The following CRABP1 variants were observed in gnomAD, a reference collection of about 807,000 sequenced individuals.
CRABP1 encodes cellular retinoic acid binding protein 1, also known as cellular retinoic acid-binding protein 1.
In CRABP1, 9 loss-of-function variants were observed where a neutral mutation model predicts 16.4. The ratio of observed to expected loss-of-function variants is 0.55; its 90% CI spans 0.33 to 0.96. CRABP1 has a LOEUF of 0.96. Ranked by LOEUF, CRABP1 falls within the 40% of genes least tolerant of loss-of-function variation. The probability of loss-of-function intolerance (pLI) is 0.03; values close to 1 mark genes in which losing one functional copy is unlikely to be tolerated. For synonymous variants in CRABP1, 72 were observed against 70.4 expected, an observed-to-expected ratio of 1.02 and a Z score of -0.11; for missense variants, 157 against 186.0, an observed-to-expected ratio of 0.84 and a Z score of 0.91.
At chr15:78,343,436 T>C in intron 2 of CRABP1, 63 bp from the exon 3 acceptor site, 1 of 1,283,586 alleles carries the variant, frequency 7.8e-7, no homozygotes. Context: ...CAATGCTCAT[T>C]GTTGTCCCTG....
rs747906092 is a variant in CRABP1 at position 78,340,382 on chromosome 15, C to T, written c.-47C>T. The stretch of plus-strand genomic sequence containing the variant: ...TCCGCCTTGCGAGCTCAGAGTGTGC[C>T]CGCTGCGCCGCCGCTGTCCGTACCT... On this transcript the variant is annotated 5_prime_UTR_variant, in exon 1 of 4. Transcript: ENST00000299529. 1 of 1,555,564 alleles carries T rather than the reference C, an allele frequency of 6.4e-7. No homozygotes were observed. The highest frequency in any genetic ancestry group is 8.7e-7 in the Non-Finnish European group (1 of 1,150,028).
In CRABP1 at chr15:78,348,012, T is replaced by C; in HGVS notation, c.*35T>C. Reference sequence around the variant, plus strand: ...GCTTGCTCCTACTTTCAGGAAGGGATGCAGGCTCCCCTGAGGAATATGTCA... The same window carrying C: ...GCTTGCTCCTACTTTCAGGAAGGGACGCAGGCTCCCCTGAGGAATATGTCA... On this transcript the variant is annotated 3_prime_UTR_variant, in exon 4 of 4. Transcript: ENST00000299529. 6.2e-7 allele frequency: 1 copy of C among 1,605,466 alleles called. No individual in the cohort carries two copies. The highest frequency in any genetic ancestry group is 8.5e-7 in the Non-Finnish European group (1 of 1,172,570).
At chr15:78,340,615 T>G (rs2050227414) in intron 1 of CRABP1, 117 bp downstream of exon 1, 3 of 1,168,628 alleles carry the variant, frequency 2.6e-6, no homozygotes, top group Non-Finnish European at 2.4e-6. Context: ...CAGGAGGGAG[T>G]CCCCGGGGCA....
chr15:78,344,550 A>C (rs897925968), intron 3 of CRABP1, among the ~76,000 whole-genome samples: 1 of 152,122 alleles, frequency 6.6e-6, no homozygotes, highest in Non-Finnish European at 1.5e-5. Context: ...AACCTCTATA[A>C]TTTAAGCACA....
In CRABP1 at chr15:78,347,975, T is replaced by C; in HGVS notation, c.412T>C (p.Ter138ArgextTer21). 6.2e-7 allele frequency: 1 copy of C among 1,614,044 alleles called. No homozygotes were observed. Among genetic ancestry groups the C allele is most frequent in the Non-Finnish European group, 8.5e-7 (1 of 1,179,976 alleles). ...CTGCACCAGAATTTATGTCCGAGAG[T>C]GAAGGCAGCTGGCTTGCTCCTACTT... ...VVCTRIYVRE* is the reference protein window; with the variant it reads ...VVCTRIYVRER The change falls in exon 4 of 4, where the codon TGA becomes CGA. Residue 138 changes from the stop codon to arginine, a stop_lost. Coordinates refer to ENST00000299529, the MANE Select transcript of CRABP1 (RefSeq NM_004378.3).
In CRABP1 at chr15:78,341,250, C is replaced by G. The variant is rs370037199; in HGVS notation, c.249+29C>G. On this transcript the variant is annotated intron_variant, in intron 2 of 3. Transcript: ENST00000299529. The surrounding 1 kb of genome is among the most constrained non-coding windows in gnomAD (Gnocchi z 5.3). ...AGGCCCCAGAGCCACTACAGCGTCC[C>G]CGTGTCCCCGCTCGGTGCCCATGGC... 1.6e-5 allele frequency: 26 copies of G among 1,591,106 alleles called. No individual in the cohort carries two copies. The African/African-American group carries it at 3.0e-4, about 18-fold the overall frequency.
chr15:78,341,626 T>G lies in CRABP1; in HGVS notation c.249+405T>G. 3.6e-6 allele frequency: 1 copy of G among 279,026 alleles called. No homozygotes were observed. The highest frequency in any genetic ancestry group is 7.1e-6 in the Non-Finnish European group (1 of 141,170). 17.3% of individuals were successfully genotyped at this position (279,026 alleles called of 1,614,324 possible). ...GCTCTTGCATTCCTTTCCCGCCGTA[T>G]CCCCCGCGCCCGCCCGGGTCCCTGG... On this transcript the variant is annotated intron_variant, in intron 2 of 3. Coordinates refer to ENST00000299529, the MANE Select transcript of CRABP1 (RefSeq NM_004378.3). This position sits in a 1 kb window ranked among gnomAD's most constrained non-coding sequence, Gnocchi z 5.3.
rs964524293 is a variant in CRABP1 at position 78,342,205 on chromosome 15, T to C, written c.249+984T>C. Among the ~76,000 whole-genome samples the C allele has an allele frequency of 2.6e-5, 4 of 152,030 alleles. No homozygotes were observed. The East Asian group carries it at 5.8e-4, about 22-fold the overall frequency. On this transcript the variant is annotated intron_variant, in intron 2 of 3. Coordinates refer to ENST00000299529, the MANE Select transcript of CRABP1 (RefSeq NM_004378.3). ...CAGAATTGTCATAGCCTGGAAATGA[T>C]CTCCACGCTTGGAGGGGGTGGGATC...
intron 3 of CRABP1, among the ~76,000 whole-genome samples, chr15:78,344,561 C>A (rs2050254673): frequency 2.6e-5 from 4 of 152,094 alleles, no homozygotes; most frequent in African/African-American, 9.7e-5. Flanking sequence ...TTTAAGCACA[C>A]ACTTCCTCCC....
At chr15:78,345,535 A>G (rs56107703) in intron 3 of CRABP1, among the ~76,000 whole-genome samples, 14,636 of 152,162 alleles carry the variant, frequency 0.096, 825 homozygotes, top group South Asian at 0.14. Flanking sequence ...GAGTTTTAGA[A>G]TGTAGCTGAG....
intron 2 of CRABP1, among the ~76,000 whole-genome samples, chr15:78,343,256 ATTGT>A (rs928488873): frequency 1.2e-4 from 19 of 152,120 alleles, no homozygotes; most frequent in Non-Finnish European, 1.9e-4. Flanking sequence ...TCAGTAAGAG[ATTGT>A]TTGTGTGTGC....
chr15:78,347,386 C>G (rs2050272556), intron 3 of CRABP1, among the ~76,000 whole-genome samples: 4 of 152,182 alleles, frequency 2.6e-5, no homozygotes, highest in Admixed American at 6.5e-5. Context: ...GCTTTTGCAG[C>G]TGAGACCAAT....
rs777983851 is a variant in CRABP1, at chr15:78,340,489, A to G, written c.61A>G (p.Lys21Glu). The change falls in exon 1 of 4, where the codon AAG (lysine) becomes GAG (glutamate). Residue 21 changes from lysine to glutamate, a missense_variant. Lys to Glu is a moderately conservative substitution (Grantham distance 56). Coordinates refer to ENST00000299529, the MANE Select transcript of CRABP1 (RefSeq NM_004378.3). ...CAGCGAGAATTTCGACGAGCTGCTCAAGGCACTGGGTAAGCTGGTGCAGAG... is the reference window on the plus strand; with the variant it reads ...CAGCGAGAATTTCGACGAGCTGCTCGAGGCACTGGGTAAGCTGGTGCAGAG... ...RSSENFDELL[K>E]ALGVNAMLRK... The G allele has an allele frequency of 3.1e-6, 5 of 1,608,082 alleles. No homozygotes were observed. The highest frequency in any genetic ancestry group is 4.2e-6 in the Non-Finnish European group (5 of 1,178,464).
Position 78,343,534 on chromosome 15 carries a change from C to T in CRABP1, c.285C>T (p.His95=). ...CTTGGGAGAATGAGAACAAGATCCA[C>T]TGCACGCAAACTCTTCTTGAAGGGG... ...LATWENENKI[H]CTQTLLEGDG... Residue 95 remains histidine, a synonymous_variant, in exon 3 of 4, where the codon CAC becomes CAT. Coordinates refer to ENST00000299529, the MANE Select transcript of CRABP1 (RefSeq NM_004378.3). 2 of 1,614,200 alleles carry T rather than the reference C, an allele frequency of 1.2e-6. No homozygotes were observed. Among genetic ancestry groups the T allele is most frequent in the Non-Finnish European group, 1.7e-6 (2 of 1,180,032 alleles).
chr15:78,343,126 G>C (rs2050244288), intron 2 of CRABP1, among the ~76,000 whole-genome samples: 1 of 151,780 alleles, frequency 6.6e-6, no homozygotes, highest in Non-Finnish European at 1.5e-5. Context: ...AAAAAAAAAT[G>C]AATAAAAATA....
At position 78,340,479 on chromosome 15, in the gene CRABP1, C is replaced by T; in HGVS notation, c.51C>T (p.Asp17=). The T allele has an allele frequency of 6.2e-7, 1 of 1,608,220 alleles. No individual in the cohort carries two copies. The highest frequency in any genetic ancestry group is 8.5e-7 in the Non-Finnish European group (1 of 1,178,486). The change falls in exon 1 of 4, where the codon GAC becomes GAT. Residue 17 remains aspartate, a synonymous_variant. Transcript: ENST00000299529. The part of the protein sequence containing the change: ...TWKMRSSENF[D]ELLKALGVNA... ...AGATGCGCAGCAGCGAGAATTTCGACGAGCTGCTCAAGGCACTGGGTAAGC... is the reference window on the plus strand; with the variant it reads ...AGATGCGCAGCAGCGAGAATTTCGATGAGCTGCTCAAGGCACTGGGTAAGC...
intron 3 of CRABP1, among the ~76,000 whole-genome samples, chr15:78,344,667 C>T (rs2050255408): frequency 6.6e-6 from 1 of 150,842 alleles, no homozygotes; most frequent in African/African-American, 2.4e-5. Flanking sequence ...TGGTGGCTCA[C>T]ACCTGTAATC....
Position 78,341,253 on chromosome 15 carries a change from T to G in CRABP1, c.249+32T>G, listed in dbSNP as rs2139440. The G allele has an allele frequency of 0.84, 1,325,444 of 1,585,328 alleles. 556,035 individuals carry two copies. The highest frequency in any genetic ancestry group is 0.94 in the African/African-American group (70,220 of 74,560). ...CCCCAGAGCCACTACAGCGTCCCCG[T>G]GTCCCCGCTCGGTGCCCATGGCCCA... On this transcript the variant is annotated intron_variant, in intron 2 of 3. Transcript: ENST00000299529. The surrounding 1 kb of genome is among the most constrained non-coding windows in gnomAD (Gnocchi z 5.3).
Position 78,341,389 on chromosome 15 carries a change from G to A in CRABP1, c.249+168G>A, listed in dbSNP as rs906835017. ...GGTTTGTGCATCCTAGTTGCCCCTG[G>A]CTCAAGACAAAGTATTACCTTCATT... On this transcript the variant is annotated intron_variant, in intron 2 of 3. Coordinates refer to ENST00000299529, the MANE Select transcript of CRABP1 (RefSeq NM_004378.3). This position sits in a 1 kb window ranked among gnomAD's most constrained non-coding sequence, Gnocchi z 5.3. 3.1e-5 allele frequency: 23 copies of A among 743,758 alleles called. No individual in the cohort carries two copies. Among genetic ancestry groups the A allele is most frequent in the Middle Eastern group, 3.7e-4 (1 of 2,720 alleles). The allele number at this position is 743,758 out of a possible 1,614,324, so 46.1% of individuals were successfully genotyped here.
Sources: allele counts gnomAD v4.1 joint callset (sites outside exome capture counted in the v4.1 genomes callset), GRCh38; gene constraint gnomAD v4.1.1; non-coding constraint Gnocchi (gnomAD v3.1); transcripts MANE v1.5; gene names NCBI Gene and HGNC (gene_info 2026-07-23, HGNC 2026-07-21).